DCBLD1: variants seen among roughly 807,000 people sequenced by gnomAD.
DCBLD1 encodes the protein discoidin, CUB and LCCL domain containing 1.
A neutral mutation model predicts 71.5 loss-of-function variants in DCBLD1; 57 were observed. The observed-to-expected ratio is 0.80, with a 90% CI of 0.64 to 0.99. The LOEUF is 0.99. Ranked by LOEUF, DCBLD1 falls within the 50% of genes least tolerant of loss-of-function variation. The pLI, the probability that DCBLD1 is intolerant of heterozygous loss-of-function variation, is 0.00. For synonymous variants in DCBLD1, 380 were observed against 363.8 expected (o/e 1.04, Z -0.51); for missense variants, 891 against 923.5 (o/e 0.96, Z 0.46).
intron 1 of DCBLD1, among the ~76,000 whole-genome samples, chr6:117,488,779 G>T (rs1349141867): frequency 6.6e-6 from 1 of 152,180 alleles, no homozygotes; most frequent in East Asian, 1.9e-4. Context: ...TTAGACCGGG[G>T]GTCCCCTATG....
chr6:117,500,255 CATAA>C (rs1271356615), intron 1 of DCBLD1, among the ~76,000 whole-genome samples: 8 of 152,202 alleles, frequency 5.3e-5, no homozygotes, highest in South Asian at 2.1e-4. Context: ...CAGAAAACTC[CATAA>C]ATAGTCTACT....
At chr6:117,552,552 C>T (rs1011931831), downstream of DCBLD1, among the ~76,000 whole-genome samples, 1 of 152,194 alleles carries the variant, frequency 6.6e-6, no homozygotes, top group East Asian at 1.9e-4. Context: ...AGCTCTACCA[C>T]CTTTTTCTTT....
intron 13 of DCBLD1, 142 bp from the exon 14 acceptor site, chr6:117,545,336 T>C: frequency 8.9e-7 from 1 of 1,118,248 alleles, no homozygotes; most frequent in Non-Finnish European, 1.3e-6. Context: ...ATGCTGTTCT[T>C]AGCACACACA....
At chr6:117,530,046 G>C (rs1002935835) in intron 5 of DCBLD1, among the ~76,000 whole-genome samples, 3 of 152,106 alleles carry the variant, frequency 2.0e-5, no homozygotes, top group African/African-American at 7.2e-5. Context: ...CAATAGGCAG[G>C]GTTCCTAGTA....
intron 14 of DCBLD1, among the ~76,000 whole-genome samples, chr6:117,556,687 C>A (rs907270144): frequency 1.3e-5 from 2 of 152,174 alleles, no homozygotes; most frequent in East Asian, 3.8e-4. Context: ...GATAAACATA[C>A]GAGTGCCAGT....
At chr6:117,505,203 T>C (rs1157212703) in intron 2 of DCBLD1, among the ~76,000 whole-genome samples, 1 of 152,220 alleles carries the variant, frequency 6.6e-6, no homozygotes, top group African/African-American at 2.4e-5. Context: ...ACTTTTTAAC[T>C]GTAGTTTGAC....
chr6:117,569,102 T>G (rs184434048), intron 14 of DCBLD1, among the ~76,000 whole-genome samples: 465 of 152,356 alleles, frequency 3.1e-3, no homozygotes, highest in Middle Eastern at 0.014. Context: ...AACTTTAGTT[T>G]ACTCATTTTA....
Position 117,543,140 on chromosome 6 carries a change from G to C in DCBLD1, c.1374G>C (p.Thr458=), listed in dbSNP as rs149598418. The change falls in exon 12 of 15, where the codon ACG becomes ACC. Residue 458 remains threonine (T), a synonymous_variant. Transcript: ENST00000338728. ...EETSTGINIT[T]VAIPLVLLVV... ...CTTCTTTAGGAATAAACATTACAACGGTGGCTATTCCATTGGTGCTCCTTG... is the reference window on the plus strand; with the variant it reads ...CTTCTTTAGGAATAAACATTACAACCGTGGCTATTCCATTGGTGCTCCTTG... 18 of 1,613,994 alleles carry C rather than the reference G, an allele frequency of 1.1e-5. No homozygotes were observed. The African/African-American group carries it at 2.0e-4, about 18-fold the overall frequency.
intron 1 of DCBLD1, among the ~76,000 whole-genome samples, chr6:117,488,683 G>C (rs1159209728): frequency 1.3e-5 from 2 of 152,172 alleles, no homozygotes; most frequent in Non-Finnish European, 2.9e-5. Flanking sequence ...AAAAGAACCG[G>C]GAATCTCTGA....
chr6:117,510,360 GACACACAC>G (rs35676008), intron 2 of DCBLD1, among the ~76,000 whole-genome samples: 3 of 146,766 alleles, frequency 2.0e-5, no homozygotes, highest in African/African-American at 5.1e-5. Flanking sequence ...CACAGACACA[GACACACAC>G]ACACACACAC....
chr6:117,498,881 G>A (rs1436506792), intron 1 of DCBLD1, among the ~76,000 whole-genome samples: 1 of 152,066 alleles, frequency 6.6e-6, no homozygotes. Flanking sequence ...ATAATTATCT[G>A]AAATTATTTA....
At chr6:117,501,007 A>T (rs1777639330) in intron 1 of DCBLD1, among the ~76,000 whole-genome samples, 1 of 151,550 alleles carries the variant, frequency 6.6e-6, no homozygotes, top group Non-Finnish European at 1.5e-5. Flanking sequence ...AAAAAAAAAA[A>T]GTTTTTCTCT....
intron 14 of DCBLD1, chr6:117,547,579 C>T (rs1779308755): frequency 1.7e-6 from 1 of 603,830 alleles, no homozygotes. Context: ...CATTTCCACA[C>T]TGTGTGACTT....
intron 2 of DCBLD1, among the ~76,000 whole-genome samples, chr6:117,509,414 G>C (rs1052268289): frequency 4.3e-4 from 66 of 152,298 alleles, no homozygotes; most frequent in East Asian, 9.6e-4. Context: ...CTGAGTGACA[G>C]ACGGAGACAC....
chr6:117,565,698 A>C (rs1779682464), intron 14 of DCBLD1, among the ~76,000 whole-genome samples: 1 of 152,190 alleles, frequency 6.6e-6, no homozygotes, highest in South Asian at 2.1e-4. Flanking sequence ...ACAAAGTTCT[A>C]ACTTTCACTT....
intron 1 of DCBLD1, among the ~76,000 whole-genome samples, chr6:117,498,887 A>G (rs1019972979): frequency 6.6e-6 from 1 of 152,176 alleles, no homozygotes; most frequent in African/African-American, 2.4e-5. Context: ...ATCTGAAATT[A>G]TTTAATATCT....
intron 1 of DCBLD1, among the ~76,000 whole-genome samples, chr6:117,486,869 T>C (rs1194714358): frequency 6.6e-6 from 1 of 152,158 alleles, no homozygotes; most frequent in Non-Finnish European, 1.5e-5. Flanking sequence ...CAACAGGTAA[T>C]GGAGCATTAC....
chr6:117,544,477 A>C, intron 12 of DCBLD1, 51 bp from the exon 13 acceptor site: 1 of 1,586,410 alleles, frequency 6.3e-7, no homozygotes, highest in Non-Finnish European at 8.6e-7. Context: ...AGGGAGAGAG[A>C]GGCAGATACA....
chr6:117,524,048 T>A lies in DCBLD1; in HGVS notation c.513-1314T>A, dbSNP rs1008280894. Among the ~76,000 whole-genome samples, 5 of 152,272 alleles carry A rather than the reference T, an allele frequency of 3.3e-5. No individual in the cohort carries two copies. In the South Asian group the frequency reaches 1.0e-3, roughly 32 times the overall value. On this transcript the variant is annotated intron_variant, in intron 4 of 14. Coordinates refer to ENST00000338728, the MANE Select transcript of DCBLD1 (RefSeq NM_001366458.2). ...GATGAAGAAACAATCTAAGAGAGAT[T>A]ATATGCAATATCAGGGTCCCACTGC...
Sources: gnomAD v4.1 joint callset for allele counts (sites outside exome capture counted in the v4.1 genomes callset) on GRCh38, gnomAD v4.1.1 for gene constraint, MANE v1.5 for transcripts, NCBI Gene and HGNC (gene_info 2026-07-23, HGNC 2026-07-21) for gene names.